Variants in DNM3 observed in about 807,000 individuals in gnomAD.
The protein encoded by DNM3 is dynamin-3.
DNM3 carries 47 observed loss-of-function variants against 101.6 expected under a neutral mutation model. The ratio of observed to expected loss-of-function variants is 0.46; its 90% CI spans 0.37 to 0.59. DNM3 has a LOEUF of 0.59. DNM3 is among the 20% of genes least tolerant of loss of function. The probability of loss-of-function intolerance (pLI) is 0.00; values close to 1 mark genes in which losing one functional copy is unlikely to be tolerated. For missense variants in DNM3, 849 were observed against 1,085.7 expected (o/e 0.78, Z 3.06); for synonymous variants, 385 against 387.9 (o/e 0.99, Z 0.09).
At chr1:172,376,296 A>T (rs2068597543) in intron 17 of DNM3, 1 of 152,104 alleles carries the variant, frequency 6.6e-6, no homozygotes, top group African/African-American at 2.4e-5. Flanking sequence ...TAAAAGGTTA[A>T]ATGTTTGCAG....
At chr1:171,885,305 C>A (rs909491435) in intron 1 of DNM3, among the ~76,000 whole-genome samples, 3 of 151,954 alleles carry the variant, frequency 2.0e-5, no homozygotes, top group African/African-American at 4.8e-5. Context: ...TTATTTTTTA[C>A]GGAAAAGTAA....
chr1:172,121,800 G>A (rs2056339654), intron 13 of DNM3, among the ~76,000 whole-genome samples: 1 of 152,138 alleles, frequency 6.6e-6, no homozygotes. Context: ...TTTTTTGGCA[G>A]CTGTATTTTA....
intron 1 of DNM3, among the ~76,000 whole-genome samples, chr1:171,867,254 T>G (rs1375599684): frequency 6.6e-6 from 1 of 152,246 alleles, no homozygotes; most frequent in African/African-American, 2.4e-5. Context: ...GCTTTTGAAA[T>G]TTGATATAAT....
intron 17 of DNM3, among the ~76,000 whole-genome samples, chr1:172,356,812 A>G (rs2067477370): frequency 6.6e-6 from 1 of 152,056 alleles, no homozygotes; most frequent in African/African-American, 2.4e-5. Flanking sequence ...CTATCTCTCA[A>G]TAAATGGAGC....
At chr1:172,345,528 T>C (rs61806075) in intron 17 of DNM3, among the ~76,000 whole-genome samples, 2 of 152,200 alleles carry the variant, frequency 1.3e-5, no homozygotes, top group Non-Finnish European at 2.9e-5. Context: ...TCTGCATAAT[T>C]TTAAAGAGCA....
intron 14 of DNM3, among the ~76,000 whole-genome samples, chr1:172,212,755 T>G (rs1005976991): frequency 9.9e-5 from 15 of 152,138 alleles, no homozygotes; most frequent in African/African-American, 3.4e-4. Context: ...ATCAGATAAT[T>G]CTAATCCATG....
At chr1:172,389,854 A>G (rs1455237427) in intron 20 of DNM3, among the ~76,000 whole-genome samples, 2 of 152,166 alleles carry the variant, frequency 1.3e-5, no homozygotes, top group East Asian at 3.9e-4. Flanking sequence ...AAGAAGGGGG[A>G]TCTTAAGCTA....
chr1:172,209,636 G>A (rs1019454281), intron 14 of DNM3, among the ~76,000 whole-genome samples: 5 of 151,928 alleles, frequency 3.3e-5, no homozygotes, highest in Admixed American at 3.3e-4. Context: ...GCACTTCTGT[G>A]TCTGACGGTG....
At chr1:172,129,689 G>A (rs1363351826) in intron 13 of DNM3, among the ~76,000 whole-genome samples, 1 of 152,048 alleles carries the variant, frequency 6.6e-6, no homozygotes, top group Non-Finnish European at 1.5e-5. Flanking sequence ...CGAGAACAGT[G>A]CAGGAAAGAT....
intron 2 of DNM3, among the ~76,000 whole-genome samples, chr1:171,981,973 T>G (rs1017335515): frequency 6.6e-6 from 1 of 152,208 alleles, no homozygotes; most frequent in Non-Finnish European, 1.5e-5. Context: ...CTACTCACAT[T>G]GATGCTGGGC....
chr1:172,049,784 G>A (rs994898965), intron 10 of DNM3, among the ~76,000 whole-genome samples: 61 of 152,140 alleles, frequency 4.0e-4, no homozygotes, highest in African/African-American at 1.4e-3. Context: ...TGGGAAGAAA[G>A]AGAGAGAATG....
chr1:172,068,350 TA>T (rs2051866405), intron 10 of DNM3, among the ~76,000 whole-genome samples: 1 of 151,962 alleles, frequency 6.6e-6, no homozygotes, highest in African/African-American at 2.4e-5. Context: ...ATAAATAAAA[TA>T]AAAAAGAAAT....
chr1:172,206,228 A>G (rs1006633238), intron 14 of DNM3, among the ~76,000 whole-genome samples: 4 of 152,128 alleles, frequency 2.6e-5, no homozygotes, highest in African/African-American at 9.6e-5. Flanking sequence ...GACATGTTAT[A>G]CAACTGAATT....
intron 17 of DNM3, among the ~76,000 whole-genome samples, chr1:172,357,258 C>G (rs921351040): frequency 3.9e-5 from 6 of 151,908 alleles, no homozygotes; most frequent in African/African-American, 1.2e-4. Flanking sequence ...ATTCACATAG[C>G]CTCAAATATC....
chr1:171,879,595 C>A (rs986407586), intron 1 of DNM3, among the ~76,000 whole-genome samples: 3 of 152,110 alleles, frequency 2.0e-5, no homozygotes, highest in African/African-American at 7.2e-5. Context: ...GCTTACTAAT[C>A]TAATCATTGG....
At chr1:172,314,362 C>G (rs1013050550) in intron 16 of DNM3, among the ~76,000 whole-genome samples, 6 of 152,182 alleles carry the variant, frequency 3.9e-5, no homozygotes, top group Admixed American at 2.0e-4. Flanking sequence ...GTTCATCTCA[C>G]TAGGGAGTGC....
chr1:172,256,394 T>C (rs960529634), intron 15 of DNM3, among the ~76,000 whole-genome samples: 6 of 152,028 alleles, frequency 3.9e-5, no homozygotes, highest in African/African-American at 1.4e-4. Flanking sequence ...GATTTCAGAT[T>C]TATTTAGGTT....
At chr1:171,856,971 C>T (rs1366926696) in intron 1 of DNM3, among the ~76,000 whole-genome samples, 4 of 152,140 alleles carry the variant, frequency 2.6e-5, no homozygotes, top group East Asian at 1.9e-4. Context: ...TTTGATAGAT[C>T]GAGATGAAGC....
chr1:171,846,522 A>G (rs543141747), intron 1 of DNM3, among the ~76,000 whole-genome samples: 1 of 152,306 alleles, frequency 6.6e-6, no homozygotes, highest in South Asian at 2.1e-4. Flanking sequence ...AGTGTTAGGT[A>G]TTCTTCTTAG....
Sources: allele counts gnomAD v4.1 joint callset (sites outside exome capture counted in the v4.1 genomes callset), GRCh38; gene constraint gnomAD v4.1.1; transcripts MANE v1.5; gene names NCBI Gene and HGNC (gene_info 2026-07-23, HGNC 2026-07-21).